Variants in ATF7IP observed in about 807,000 individuals in gnomAD.
The protein encoded by ATF7IP is activating transcription factor 7-interacting protein 1.
In ATF7IP, 23 loss-of-function variants were observed where a neutral mutation model predicts 106.4. That is an observed-to-expected ratio of 0.22 (90% CI 0.16 to 0.31). The LOEUF is 0.31. ATF7IP is among the 10% of genes least tolerant of loss of function. The pLI, the probability that ATF7IP is intolerant of heterozygous loss-of-function variation, is 1.00. For synonymous variants in ATF7IP, 542 were observed against 539.0 expected (o/e 1.01, Z -0.08); for missense variants, 1,334 against 1,524.3 (o/e 0.88, Z 2.08).
chr12:14,454,235 C>T (rs1329591272), intron 6 of ATF7IP, among the ~76,000 whole-genome samples: 1 of 152,062 alleles, frequency 6.6e-6, no homozygotes, highest in African/African-American at 2.4e-5. Flanking sequence ...AGAGGTTTGC[C>T]TCTCTACTCT....
At chr12:14,404,482 A>G (rs934587830) in intron 1 of ATF7IP, among the ~76,000 whole-genome samples, 2 of 152,332 alleles carry the variant, frequency 1.3e-5, no homozygotes, top group African/African-American at 2.4e-5. Flanking sequence ...AAATGTTATC[A>G]GCAAAAAACC....
Position 14,369,752 on chromosome 12 carries a change from A to G in ATF7IP, c.-8+3925A>G, listed in dbSNP as rs546705538. ...CTGTGTTTTGACATATTGTGTGTTA[A>G]GATAAGTTGCTAGTTTCCATTTTTT... On this transcript the variant is annotated intron_variant, in intron 1 of 14. Transcript: ENST00000261168. Among the ~76,000 whole-genome samples the G allele has an allele frequency of 4.0e-5, 6 of 151,660 alleles. No individual in the cohort carries two copies. In the Admixed American group the frequency reaches 4.0e-4, roughly 10 times the overall value.
intron 1 of ATF7IP, among the ~76,000 whole-genome samples, chr12:14,368,230 G>A (rs1938387472): frequency 6.6e-6 from 1 of 151,958 alleles, no homozygotes; most frequent in South Asian, 2.1e-4. Context: ...TTCCATGATT[G>A]AGCAATCTAT....
intron 8 of ATF7IP, among the ~76,000 whole-genome samples, chr12:14,458,036 C>T (rs1268508394): frequency 6.6e-6 from 1 of 151,422 alleles, no homozygotes; most frequent in Non-Finnish European, 1.5e-5. Flanking sequence ...GTGGAGTTTG[C>T]GGTGAGCCGA....
chr12:14,367,900 C>G (rs1431690758), intron 1 of ATF7IP, among the ~76,000 whole-genome samples: 3 of 151,842 alleles, frequency 2.0e-5, no homozygotes, highest in African/African-American at 7.3e-5. Context: ...GGTTATGATG[C>G]CACAAAATTT....
intron 1 of ATF7IP, among the ~76,000 whole-genome samples, chr12:14,412,372 AG>A (rs1230260933): frequency 6.6e-6 from 1 of 150,668 alleles, no homozygotes; most frequent in Non-Finnish European, 1.5e-5. Context: ...TAATTTGAAG[AG>A]TGTTGACATC....
chr12:14,439,884 C>T (rs368441514), intron 5 of ATF7IP, among the ~76,000 whole-genome samples: 4 of 148,880 alleles, frequency 2.7e-5, no homozygotes, highest in African/African-American at 1.0e-4. Context: ...TCCATCCATC[C>T]ATCCTAAAAC....
chr12:14,409,468 A>C (rs891106892), intron 1 of ATF7IP, among the ~76,000 whole-genome samples: 4 of 152,092 alleles, frequency 2.6e-5, no homozygotes, highest in African/African-American at 9.7e-5. Context: ...AAAGATAGTT[A>C]ATTGAATTTT....
At chr12:14,408,064 T>C (rs1490184342) in intron 1 of ATF7IP, among the ~76,000 whole-genome samples, 2 of 151,984 alleles carry the variant, frequency 1.3e-5, no homozygotes, top group Non-Finnish European at 2.9e-5. Flanking sequence ...ATTCAAGTGT[T>C]TTATGATTCT....
chr12:14,437,037 A>G (rs1371433932), intron 4 of ATF7IP, among the ~76,000 whole-genome samples: 1 of 152,190 alleles, frequency 6.6e-6, no homozygotes, highest in African/African-American at 2.4e-5. Context: ...GTTAGTATAA[A>G]AGTGGTAGAG....
chr12:14,403,393 G>A (rs1940367178), intron 1 of ATF7IP, among the ~76,000 whole-genome samples: 1 of 151,900 alleles, frequency 6.6e-6, no homozygotes, highest in Non-Finnish European at 1.5e-5. Context: ...AAAGGAATTA[G>A]AAGAAAATGT....
chr12:14,402,711 C>A (rs57074123), intron 1 of ATF7IP, among the ~76,000 whole-genome samples: 5 of 151,020 alleles, frequency 3.3e-5, no homozygotes, highest in African/African-American at 1.2e-4. Flanking sequence ...TGGGTTCAAG[C>A]GATTCTCCTG....
At chr12:14,432,689 C>T (rs1260780137) in intron 2 of ATF7IP, among the ~76,000 whole-genome samples, 3 of 152,084 alleles carry the variant, frequency 2.0e-5, no homozygotes, top group Non-Finnish European at 4.4e-5. Context: ...TTGACTTTTG[C>T]TATTAGGGCT....
Position 14,424,766 on chromosome 12 carries a change from C to T in ATF7IP, c.851C>T (p.Thr284Ile), listed in dbSNP as rs984476678. ...LASDELTSESTFDRTFEPKSV... is the reference protein window; with the variant it reads ...LASDELTSESIFDRTFEPKSV... ...TCTGATGAGCTGACTTCTGAATCAA[C>T]CTTTGATCGTACCTTTGAACCAAAG... The change falls in exon 2 of 15, where the codon ACC becomes ATC. Residue 284 changes from threonine to isoleucine, a missense_variant. By Grantham distance (89) the Thr-to-Ile change is moderately conservative (BLOSUM62 -1). Around this residue, in one of 10 missense-constraint regions of ATF7IP, gnomAD observed 438 missense variants for 405.3 expected, o/e 1.08. Coordinates refer to ENST00000261168, the MANE Select transcript of ATF7IP (RefSeq NM_018179.5). The T allele has an allele frequency of 1.2e-6, 2 of 1,614,070 alleles. No homozygotes were observed. The highest frequency in any genetic ancestry group is 1.7e-6 in the Non-Finnish European group (2 of 1,180,020).
In ATF7IP at chr12:14,461,098, C is replaced by G. The variant is rs201804224; in HGVS notation, c.2762C>G (p.Ala921Gly). The change falls in exon 9 of 15, where the codon GCT (alanine) becomes GGT (glycine). Residue 921 changes from alanine (A) to glycine (G), a missense_variant. This residue lies in a region of ATF7IP where 370 missense variants were observed against 401.2 expected (regional missense o/e 0.92). Transcript: ENST00000261168. ...ATTTCTGCATTTAGTACTTCGTCTG[C>G]TGCAGAACAGAACAGCAATACCACC... The part of the protein sequence containing the change: ...IPISAFSTSS[A>G]AEQNSNTTPR... The G allele has an allele frequency of 6.8e-6, 11 of 1,614,048 alleles. No homozygotes were observed. The East Asian group carries it at 2.5e-4, about 36-fold the overall frequency.
rs1945086139 is a variant in ATF7IP, at chr12:14,498,849, T to TA, written c.*778dup. 9.4e-6 allele frequency: 1 copy of TA among 106,890 alleles called. No homozygotes were observed. The highest frequency in any genetic ancestry group is 1.9e-5 in the Non-Finnish European group (1 of 51,976). The allele number at this position is 106,890 out of a possible 1,614,324, so 6.6% of individuals were successfully genotyped here. ...ACCAAATATAGCACAACTCCTCAAG[T>TA]AATTTTTTTTTTTTAAGATGGAGTT... On this transcript the variant is annotated 3_prime_UTR_variant, in exon 15 of 15. Transcript: ENST00000261168.
chr12:14,441,979 A>G (rs775299159), intron 5 of ATF7IP, among the ~76,000 whole-genome samples: 13 of 152,330 alleles, frequency 8.5e-5, no homozygotes, highest in South Asian at 6.2e-4. Flanking sequence ...TATCAGTTCC[A>G]CCAATCTCTA....
At chr12:14,433,260 A>G (rs566410838) in intron 2 of ATF7IP, among the ~76,000 whole-genome samples, 1 of 150,906 alleles carries the variant, frequency 6.6e-6, no homozygotes, top group South Asian at 2.1e-4. Context: ...TAATCTCAGC[A>G]CTTTGGGAGG....
intron 9 of ATF7IP, among the ~76,000 whole-genome samples, chr12:14,461,701 G>T (rs937908283): frequency 1.4e-4 from 22 of 151,934 alleles, no homozygotes; most frequent in African/African-American, 5.3e-4. Context: ...TAGAAATATT[G>T]CAAAAAGGAG....
Sources: allele counts gnomAD v4.1 joint callset (sites outside exome capture counted in the v4.1 genomes callset), GRCh38; gene constraint gnomAD v4.1.1; regional missense constraint gnomAD v4.1.1; transcripts MANE v1.5; gene names NCBI Gene and HGNC (gene_info 2026-07-23, HGNC 2026-07-21).